TKTL1: variants seen among roughly 807,000 people sequenced by gnomAD.
The protein encoded by TKTL1 is transketolase-like protein 1.
In TKTL1, 1 loss-of-function variant was observed where a neutral mutation model predicts 39.3. That is an observed-to-expected ratio of 0.03 (90% CI 0.01 to 0.12). The LOEUF is 0.12. TKTL1 is among the 10% of genes least tolerant of loss of function. The probability of loss-of-function intolerance (pLI) is 1.00; values close to 1 mark genes in which losing one functional copy is unlikely to be tolerated. For missense variants in TKTL1, 575 were observed against 509.6 expected (o/e 1.13, Z -1.24); for synonymous variants, 262 against 193.8 (o/e 1.35, Z -2.92).
rs370440379 is a variant in TKTL1 at position 154,295,843 on chromosome X, C to G, written c.-17C>G. ...AGACGTAGGAGTGGGTCTTCAGACT[C>G]CAAAGGGGTTGGACTAATGGCGGAT... On this transcript the variant is annotated 5_prime_UTR_variant, in exon 1 of 13. Coordinates refer to ENST00000369915, the MANE Select transcript of TKTL1 (RefSeq NM_012253.4). 2.5e-6 allele frequency: 3 copies of G among 1,206,941 alleles called. No homozygotes were observed. The highest frequency in any genetic ancestry group is 3.5e-5 in the African/African-American group (2 of 57,063).
intron 10 of TKTL1, 155 bp from the exon 11 acceptor site, chrX:154,327,436 C>T (rs1212980433): frequency 1.5e-5 from 9 of 581,594 alleles, no homozygotes; most frequent in Non-Finnish European, 2.8e-5. Context: ...AGTATGTGTC[C>T]TGGCTTGTAA....
chrX:154,318,479 CACGAGGTCAGGA>C (rs2067420643), intron 7 of TKTL1, among the ~76,000 whole-genome samples: 1 of 105,988 alleles, frequency 9.4e-6, no homozygotes, highest in Non-Finnish European at 1.9e-5. Context: ...GCGGACGGAT[CACGAGGTCAGGA>C]GATGGAGACC....
At chrX:154,315,471 G>A in intron 7 of TKTL1, 134 bp downstream of exon 7, 1 of 656,661 alleles carries the variant, frequency 1.5e-6, no homozygotes, top group Non-Finnish European at 2.3e-6. Flanking sequence ...GAAGCAGGAG[G>A]CAAGTAGCCA....
At chrX:154,302,668 G>A (rs1298069470) in intron 1 of TKTL1, among the ~76,000 whole-genome samples, 6 of 111,827 alleles carry the variant, frequency 5.4e-5, no homozygotes, top group African/African-American at 1.3e-4. Flanking sequence ...ATGGCCTCCC[G>A]TACCTGTGAA....
chrX:154,322,670 C>A (rs181960255), intron 8 of TKTL1, among the ~76,000 whole-genome samples: 1 of 111,913 alleles, frequency 8.9e-6, no homozygotes, highest in Non-Finnish European at 1.9e-5. Context: ...ATTAAGATTT[C>A]TCTTTCACAT....
Position 154,315,194 on chromosome X carries a change from G to A in TKTL1, c.886G>A (p.Gly296Ser), listed in dbSNP as rs139349276. ...CTAGATAGCTACTCGGAAAGCATGC[G>A]GTCTGGCTCTGGCTAAGCTGGGCTA... The part of the protein sequence containing the change: ...GDKIATRKAC[G>S]LALAKLGYAN... The change falls in exon 7 of 13, where the codon GGT becomes AGT. Residue 296 changes from glycine to serine, a missense_variant. By Grantham distance (56) the Gly-to-Ser change is moderately conservative. Coordinates refer to ENST00000369915, the MANE Select transcript of TKTL1 (RefSeq NM_012253.4). The A allele has an allele frequency of 6.4e-5, 77 of 1,209,012 alleles. No individual in the cohort carries two copies. The highest frequency in any genetic ancestry group is 3.8e-4 in the African/African-American group (22 of 57,205).
chrX:154,315,973 G>A (rs1197297427), intron 7 of TKTL1, among the ~76,000 whole-genome samples: 1 of 111,781 alleles, frequency 8.9e-6, no homozygotes, highest in African/African-American at 3.3e-5. Context: ...CTAAAGCTCT[G>A]CGCGTCATAG....
Position 154,295,985 on chromosome X carries a change from G to A in TKTL1, c.126G>A (p.Thr42=), listed in dbSNP as rs374528241. ...RIHSIRATCS[T]SSGHPTSCSS... is the part of the protein sequence containing the mutation. ...ATTCCATCAGGGCCACATGCTCCAC[G>A]AGCTCCGGGTAAGTTCTCCTCATTG... Residue 42 remains threonine, a synonymous_variant, in exon 1 of 13, where the codon ACG becomes ACA. Transcript: ENST00000369915. 12 of 1,209,595 alleles carry A rather than the reference G, an allele frequency of 9.9e-6. No homozygotes were observed. Among genetic ancestry groups the A allele is most frequent in the Admixed American group, 6.6e-5 (3 of 45,786 alleles).
At chrX:154,302,442 G>T (rs1557166183) in intron 1 of TKTL1, among the ~76,000 whole-genome samples, 1 of 111,101 alleles carries the variant, frequency 9.0e-6, no homozygotes, top group African/African-American at 3.3e-5. Context: ...AGCATGGTCA[G>T]TTCTGGCGAG....
At chrX:154,323,731 T>C (rs940799365) in intron 9 of TKTL1, among the ~76,000 whole-genome samples, 2 of 112,575 alleles carry the variant, frequency 1.8e-5, no homozygotes, top group Non-Finnish European at 1.9e-5. Flanking sequence ...GCTCCTGCTG[T>C]GTCCTGACAT....
Position 154,312,711 on chromosome X carries a change from C to T in TKTL1, c.802C>T (p.Pro268Ser), listed in dbSNP as rs146912512. 14 of 1,211,353 alleles carry T rather than the reference C, an allele frequency of 1.2e-5. No homozygotes were observed. The highest frequency in any genetic ancestry group is 3.5e-5 in the South Asian group (2 of 56,959). ...LDPQPPIEDS[P>S]EVNITDVRMT... ...CCCACAGCCCCCCATTGAGGACTCACCTGAAGTCAACATCACAGATGTAAG... is the reference window on the plus strand; with the variant it reads ...CCCACAGCCCCCCATTGAGGACTCATCTGAAGTCAACATCACAGATGTAAG... Residue 268 changes from proline to serine, a missense_variant, in exon 6 of 13, where the codon CCT (proline) becomes TCT (serine). By Grantham distance (74) the Pro-to-Ser change is moderately conservative. Coordinates refer to ENST00000369915, the MANE Select transcript of TKTL1 (RefSeq NM_012253.4).
rs376590884 is a variant in TKTL1, at chrX:154,305,273, A to C, written c.135-31A>C. On this transcript the variant is annotated intron_variant, in intron 1 of 12. Transcript: ENST00000369915. ...GTGTGCTAGGAAGCCAGTTGCTGTG[A>C]GAAATGACCAGTGTCATGTCTGTCT... The C allele has an allele frequency of 1.7e-5, 20 of 1,195,575 alleles. No individual in the cohort carries two copies. In the African/African-American group the frequency reaches 3.2e-4, roughly 19 times the overall value.
chrX:154,301,077 AT>A (rs2067269949), intron 1 of TKTL1, among the ~76,000 whole-genome samples: 2 of 110,742 alleles, frequency 1.8e-5, no homozygotes, highest in African/African-American at 3.3e-5. Flanking sequence ...GATGCCCTTT[AT>A]TTATTTCGCC....
chrX:154,311,642 C>T (rs782569119), intron 5 of TKTL1, among the ~76,000 whole-genome samples: 7 of 111,488 alleles, frequency 6.3e-5, no homozygotes, highest in Non-Finnish European at 1.1e-4. Flanking sequence ...TTGGGGAAGA[C>T]GGGAGCTTGG....
chrX:154,320,918 G>C lies in TKTL1; in HGVS notation c.1186+5G>C. 1 of 1,210,644 alleles carries C rather than the reference G, an allele frequency of 8.3e-7. No individual in the cohort carries two copies. The highest frequency in any genetic ancestry group is 2.2e-5 in the Admixed American group (1 of 46,066). Reference sequence around the variant, plus strand: ...CCCACTGTGGGGTATCTGTTGGTAAGGGTTCTAAATGCCATCATCTTGGTA... The same window carrying C: ...CCCACTGTGGGGTATCTGTTGGTAACGGTTCTAAATGCCATCATCTTGGTA... On this transcript the variant is annotated splice_donor_5th_base_variant and intron_variant, in intron 8 of 12. Coordinates refer to ENST00000369915, the MANE Select transcript of TKTL1 (RefSeq NM_012253.4).
chrX:154,305,818 C>T (rs1470194886), intron 2 of TKTL1, among the ~76,000 whole-genome samples: 1 of 110,944 alleles, frequency 9.0e-6, no homozygotes, highest in Admixed American at 9.6e-5. Flanking sequence ...TGTCAGTTAG[C>T]TTCCTCTTCT....
chrX:154,306,820 A>G (rs1557167318), intron 2 of TKTL1, among the ~76,000 whole-genome samples: 1 of 109,936 alleles, frequency 9.1e-6, no homozygotes, highest in Non-Finnish European at 1.9e-5. Context: ...TATTTTTTGT[A>G]GAGACATGGT....
intron 1 of TKTL1, among the ~76,000 whole-genome samples, chrX:154,298,006 T>A (rs781848556): frequency 8.9e-6 from 1 of 112,065 alleles, no homozygotes; most frequent in Non-Finnish European, 1.9e-5. Context: ...ATTGGGCGTT[T>A]TTTTTATTAC....
intron 7 of TKTL1, among the ~76,000 whole-genome samples, chrX:154,319,500 G>T (rs1298442627): frequency 8.9e-6 from 1 of 111,816 alleles, no homozygotes; most frequent in Non-Finnish European, 1.9e-5. Flanking sequence ...CAGAACTTTG[G>T]GAGGCCGGCC....
Sources: allele counts gnomAD v4.1 joint callset (sites outside exome capture counted in the v4.1 genomes callset), GRCh38; gene constraint gnomAD v4.1.1; transcripts MANE v1.5; gene names NCBI Gene and HGNC (gene_info 2026-07-23, HGNC 2026-07-21).